Variants in DENND1A observed in about 807,000 individuals in gnomAD.
DENND1A encodes the protein DENN domain containing 1A.
DENND1A carries 51 observed loss-of-function variants against 113.7 expected under a neutral mutation model. That is an observed-to-expected ratio of 0.45 (90% CI 0.36 to 0.57). The LOEUF (loss-of-function observed/expected upper bound fraction) is 0.57. Ranked by LOEUF, DENND1A falls within the 20% of genes least tolerant of loss-of-function variation. The pLI is 0.00. For missense variants in DENND1A, 1,258 were observed against 1,395.9 expected (o/e 0.90, Z 1.57); for synonymous variants, 565 against 570.8 (o/e 0.99, Z 0.14).
intron 13 of DENND1A, among the ~76,000 whole-genome samples, chr9:123,544,218 G>A (rs942644023): frequency 6.6e-6 from 1 of 152,062 alleles, no homozygotes; most frequent in Non-Finnish European, 1.5e-5. Flanking sequence ...AGAGGAGGAA[G>A]GGCTACACTT....
intron 5 of DENND1A, among the ~76,000 whole-genome samples, chr9:123,716,726 G>A (rs1356521635): frequency 6.6e-6 from 1 of 152,172 alleles, no homozygotes; most frequent in Non-Finnish European, 1.5e-5. Context: ...AATTGCCTTT[G>A]TGACTTCTCC....
intron 19 of DENND1A, among the ~76,000 whole-genome samples, chr9:123,426,707 T>A (rs1227506887): frequency 6.6e-6 from 1 of 152,234 alleles, no homozygotes; most frequent in Non-Finnish European, 1.5e-5. Flanking sequence ...TGTATTTTAG[T>A]TGAGCTTTTC....
rs568066179 is a variant in DENND1A at position 123,452,806 on chromosome 9, G to A, written c.1228-459C>T. On this transcript the variant is annotated intron_variant, in intron 16 of 23. Transcript: ENST00000394215. Reference sequence around the variant, plus strand: ...GGGGCCCTGATCAGCCAGGATCGTTGGGAAATACATTGCCCTCACCGTGCA... The same window carrying A: ...GGGGCCCTGATCAGCCAGGATCGTTAGGAAATACATTGCCCTCACCGTGCA... Among the ~76,000 whole-genome samples, 4 of 152,226 alleles carry A rather than the reference G, an allele frequency of 2.6e-5. No individual in the cohort carries two copies. The East Asian group carries it at 5.8e-4, about 22-fold the overall frequency.
chr9:123,512,733 T>A (rs1456902520), intron 13 of DENND1A, among the ~76,000 whole-genome samples: 1 of 152,208 alleles, frequency 6.6e-6, no homozygotes, highest in Non-Finnish European at 1.5e-5. Context: ...TGAAGGTGAC[T>A]TGGGACAGTG....
chr9:123,790,902 T>G (rs1443316402), intron 3 of DENND1A, among the ~76,000 whole-genome samples: 1 of 152,210 alleles, frequency 6.6e-6, no homozygotes, highest in Non-Finnish European at 1.5e-5. Context: ...GTTATCTCTG[T>G]GCAGTATAAT....
intron 2 of DENND1A, among the ~76,000 whole-genome samples, chr9:123,829,680 A>G (rs1839895964): frequency 6.6e-6 from 1 of 152,272 alleles, no homozygotes; most frequent in Non-Finnish European, 1.5e-5. Context: ...GAAGAAATAG[A>G]AAACCTGAAT....
At chr9:123,901,695 T>G (rs974609336) in intron 1 of DENND1A, among the ~76,000 whole-genome samples, 1 of 152,172 alleles carries the variant, frequency 6.6e-6, no homozygotes, top group African/African-American at 2.4e-5. Context: ...ATGCTACATC[T>G]TGATAATTCT....
At chr9:123,414,230 C>A (rs958500904) in intron 19 of DENND1A, 1 of 1,209,366 alleles carries the variant, frequency 8.3e-7, no homozygotes. Context: ...AACAGCACTG[C>A]CTACCCGAGT....
intron 21 of DENND1A, among the ~76,000 whole-genome samples, chr9:123,389,153 G>A (rs999874428): frequency 6.6e-6 from 1 of 152,262 alleles, no homozygotes; most frequent in Non-Finnish European, 1.5e-5. Flanking sequence ...TGCGCAGGGG[G>A]ACGGGGCAGG....
chr9:123,509,356 C>T (rs1157827276), intron 13 of DENND1A, among the ~76,000 whole-genome samples: 1 of 152,198 alleles, frequency 6.6e-6, no homozygotes, highest in Non-Finnish European at 1.5e-5. Flanking sequence ...ACAGGTCTGT[C>T]TTCTAAATTG....
intron 1 of DENND1A, among the ~76,000 whole-genome samples, chr9:123,894,268 C>T (rs1178844217): frequency 6.6e-6 from 1 of 152,190 alleles, no homozygotes; most frequent in Admixed American, 6.5e-5. Flanking sequence ...AAGTAAACAA[C>T]GTTCAGAACT....
intron 22 of DENND1A, among the ~76,000 whole-genome samples, chr9:123,385,604 G>A (rs1006027231): frequency 1.1e-4 from 16 of 152,206 alleles, no homozygotes; most frequent in African/African-American, 3.1e-4. Context: ...CACCAGGGTG[G>A]GGGACATGGG....
chr9:123,401,802 G>T, intron 21 of DENND1A: 2 of 1,614,166 alleles, frequency 1.2e-6, no homozygotes, highest in Non-Finnish European at 1.7e-6. Context: ...GAAAAGCAAC[G>T]GCGTAAGTCA....
At chr9:123,842,769 T>C (rs1842012082) in intron 2 of DENND1A, among the ~76,000 whole-genome samples, 1 of 152,190 alleles carries the variant, frequency 6.6e-6, no homozygotes, top group African/African-American at 2.4e-5. Context: ...CAATTCATTC[T>C]ATAAGGCCAG....
chr9:123,633,777 C>T (rs575674620), intron 9 of DENND1A, among the ~76,000 whole-genome samples: 1 of 152,106 alleles, frequency 6.6e-6, no homozygotes, highest in South Asian at 2.1e-4. Context: ...CTCTGTCCCC[C>T]CAAAAAAGAA....
intron 5 of DENND1A, among the ~76,000 whole-genome samples, chr9:123,740,746 T>C (rs1021222795): frequency 1.4e-4 from 21 of 152,190 alleles, no homozygotes; most frequent in African/African-American, 5.1e-4. Flanking sequence ...GTTATATGAT[T>C]TGTCACATGG....
chr9:123,471,132 G>C (rs552963310), intron 13 of DENND1A, among the ~76,000 whole-genome samples: 4 of 152,256 alleles, frequency 2.6e-5, no homozygotes, highest in Admixed American at 1.3e-4. Context: ...TTTTCTTTAC[G>C]AGGTCTGCCA....
At chr9:123,705,667 T>A (rs986082350) in intron 5 of DENND1A, among the ~76,000 whole-genome samples, 1 of 152,162 alleles carries the variant, frequency 6.6e-6, no homozygotes, top group African/African-American at 2.4e-5. Flanking sequence ...GATATTAAAA[T>A]AAAATCTAAA....
At chr9:123,384,016 G>A (rs1564397362) in intron 22 of DENND1A, 103 bp from the exon 23 acceptor site, 2 of 1,461,508 alleles carry the variant, frequency 1.4e-6, no homozygotes, top group Non-Finnish European at 9.2e-7. Context: ...GTGCACGCAG[G>A]GGCCTGCGGG....
Sources: gnomAD v4.1 joint callset for allele counts (sites outside exome capture counted in the v4.1 genomes callset) on GRCh38, gnomAD v4.1.1 for gene constraint, MANE v1.5 for transcripts, NCBI Gene and HGNC (gene_info 2026-07-23, HGNC 2026-07-21) for gene names.